Variants in MS4A18 observed in about 807,000 individuals in gnomAD.
MS4A18 encodes the protein membrane-spanning 4-domains subfamily A member 18.
In MS4A18, 27 loss-of-function variants were observed where a neutral mutation model predicts 13.1. That is an observed-to-expected ratio of 2.06 (90% confidence interval 1.52 to 2.84). MS4A18 has a LOEUF of 2.84. Among genes scored for constraint, MS4A18 ranks in the 30% most tolerant of loss-of-function variants. MS4A18 has a pLI of 0.00. For missense variants in MS4A18, 307 were observed against 196.4 expected, an observed-to-expected ratio of 1.56 and a Z score of -3.37; for synonymous variants, 126 against 76.5, an observed-to-expected ratio of 1.65 and a Z score of -3.38.
At chr11:60,735,494 C>A (rs1288021877) in intron 2 of MS4A18, among the ~76,000 whole-genome samples, 1 of 142,642 alleles carries the variant, frequency 7.0e-6, no homozygotes, top group African/African-American at 2.6e-5. Flanking sequence ...CCACCGTGCC[C>A]GGCTAATTTT....
At chr11:60,725,196 T>C (rs1420158949), upstream of MS4A18, among the ~76,000 whole-genome samples, 1 of 152,142 alleles carries the variant, frequency 6.6e-6, no homozygotes, top group East Asian at 1.9e-4. Flanking sequence ...CTCTTTTTTT[T>C]CTTCTTCTTC....
chr11:60,726,246 G>A (rs1853160637), upstream of MS4A18, among the ~76,000 whole-genome samples: 1 of 152,156 alleles, frequency 6.6e-6, no homozygotes, highest in Non-Finnish European at 1.5e-5. Context: ...GAATGCCTTA[G>A]CCATCAGGTG....
chr11:60,736,872 G>A lies in MS4A18; in HGVS notation c.592-106G>A. 4.6e-6 allele frequency: 3 copies of A among 653,778 alleles called. No homozygotes were observed. In the South Asian group the frequency reaches 5.1e-5, roughly 11 times the overall value. 40.5% of individuals were successfully genotyped at this position (653,778 alleles called of 1,614,324 possible). ...AGATTTGCACATTTTGTGAAACAAG[G>A]TGCATAGAACATAAAGATTGAGAAA... is the stretch of plus-strand genomic sequence containing the variant. On this transcript the variant is annotated intron_variant, in intron 2 of 5. Transcript: ENST00000529108.
intron 1 of MS4A18, 110 bp from the exon 3 acceptor site, chr11:60,733,424 C>A: frequency 5.9e-6 from 4 of 673,590 alleles, no homozygotes; most frequent in South Asian, 1.6e-5. Flanking sequence ...GAGCCCCCAA[C>A]ACCAATCACC....
upstream of MS4A18, among the ~76,000 whole-genome samples, chr11:60,727,362 G>A (rs534605176): frequency 6.6e-5 from 10 of 152,300 alleles, no homozygotes; most frequent in South Asian, 2.1e-4. Flanking sequence ...AACTGACAGC[G>A]TATGCAACTT....
chr11:60,740,260 C>A (rs1375467368), intron 4 of MS4A18, among the ~76,000 whole-genome samples: 1 of 152,236 alleles, frequency 6.6e-6, no homozygotes, highest in Non-Finnish European at 1.5e-5. Flanking sequence ...GATCCCCACC[C>A]TCTGCTCCAG....
At chr11:60,741,569 T>C (rs1853415169) in intron 5 of MS4A18, among the ~76,000 whole-genome samples, 1 of 152,150 alleles carries the variant, frequency 6.6e-6, no homozygotes, top group Non-Finnish European at 1.5e-5. Context: ...CCTGCTTGCA[T>C]CACATTTGCT....
At chr11:60,739,110 C>T (rs1853382375) in intron 4 of MS4A18, 113 bp downstream of exon 5, 1 of 644,568 alleles carries the variant, frequency 1.6e-6, no homozygotes, top group African/African-American at 1.8e-5. Flanking sequence ...GTATGACAAC[C>T]ACTACATCCA....
chr11:60,741,607 A>G (rs1259023357), intron 5 of MS4A18, among the ~76,000 whole-genome samples: 2 of 152,178 alleles, frequency 1.3e-5, no homozygotes, highest in Non-Finnish European at 2.9e-5. Context: ...AGTCAGTCAC[A>G]TGGCCGAACC....
chr11:60,733,594 T>C (rs1472206816), exon 2 of MS4A18: 3 of 703,608 alleles, frequency 4.3e-6, no homozygotes, highest in Non-Finnish European at 7.8e-6. Context: ...TGTGCTGTAT[T>C]ACTATCCTTT....
At chr11:60,740,323 T>C (rs1047634054) in intron 4 of MS4A18, among the ~76,000 whole-genome samples, 2 of 152,048 alleles carry the variant, frequency 1.3e-5, no homozygotes, top group African/African-American at 4.8e-5. Flanking sequence ...CACCCTACTG[T>C]GGGCAGGGAC....
intron 5 of MS4A18, among the ~76,000 whole-genome samples, chr11:60,741,526 A>G (rs725279): frequency 6.6e-6 from 1 of 151,962 alleles, no homozygotes; most frequent in African/African-American, 2.4e-5. Context: ...GTAGCAAGAC[A>G]CAGCAAGCTC....
At chr11:60,743,506 C>T (rs1317174309) in intron 5 of MS4A18, 144 bp from the exon 7 acceptor site, 2 of 619,162 alleles carry the variant, frequency 3.2e-6, no homozygotes, top group East Asian at 5.4e-5. Flanking sequence ...GCCCCCTTGG[C>T]CAAAGAAAGT....
upstream of MS4A18, among the ~76,000 whole-genome samples, chr11:60,726,737 A>T (rs1590960210): frequency 6.7e-6 from 1 of 148,556 alleles, no homozygotes; most frequent in African/African-American, 2.5e-5. Context: ...ATTTTATTTT[A>T]TTTTATTTTA....
chr11:60,743,978 C>T (rs1274985408), exon 6 of MS4A18: 1 of 702,346 alleles, frequency 1.4e-6, no homozygotes, highest in South Asian at 1.5e-5. Flanking sequence ...CCCCCGAACC[C>T]TCGTACCAAG....
intron 2 of MS4A18, among the ~76,000 whole-genome samples, chr11:60,733,992 C>T (rs921038479): frequency 6.6e-6 from 1 of 152,092 alleles, no homozygotes; most frequent in Non-Finnish European, 1.5e-5. Context: ...GCAGGTAATC[C>T]CAGCAATTTG....
upstream of MS4A18, among the ~76,000 whole-genome samples, chr11:60,727,918 C>T (rs1245168189): frequency 1.3e-4 from 20 of 152,216 alleles, no homozygotes; most frequent in Admixed American, 1.3e-3. Context: ...CAAATCGGGA[C>T]AATATCCCAG....
upstream of MS4A18, among the ~76,000 whole-genome samples, chr11:60,726,472 A>G (rs1326743891): frequency 6.6e-6 from 1 of 152,160 alleles, no homozygotes; most frequent in Non-Finnish European, 1.5e-5. Flanking sequence ...CTTCAGCAGC[A>G]TGAGATTCAC....
intron 3 of MS4A18, among the ~76,000 whole-genome samples, chr11:60,737,961 T>C (rs922888897): frequency 2.0e-5 from 3 of 152,218 alleles, no homozygotes; most frequent in African/African-American, 7.2e-5. Flanking sequence ...CACCTGTTCA[T>C]ATCCCAACAG....
Sources: gnomAD v4.1 joint callset for allele counts (sites outside exome capture counted in the v4.1 genomes callset) on GRCh38, gnomAD v4.1.1 for gene constraint, MANE v1.5 for transcripts, NCBI Gene and HGNC (gene_info 2026-07-23, HGNC 2026-07-21) for gene names.